Variants in DACH2 observed in about 807,000 individuals in gnomAD.
DACH2 encodes the protein dachshund family transcription factor 2.
DACH2 carries 17 observed loss-of-function variants against 35.8 expected under a neutral mutation model. The observed-to-expected ratio is 0.48, with a 90% CI of 0.33 to 0.71. The LOEUF is 0.71. Ranked by LOEUF, DACH2 falls within the 30% of genes least tolerant of loss-of-function variation. The pLI, the probability that DACH2 is intolerant of heterozygous loss-of-function variation, is 0.02. For synonymous variants in DACH2, 195 were observed against 177.3 expected (o/e 1.10, Z -0.79); for missense variants, 469 against 472.7 (o/e 0.99, Z 0.07).
In DACH2 at chrX:86,825,826, G is replaced by A. The variant is rs143084096; in HGVS notation, c.1751-6280G>A. Among the ~76,000 whole-genome samples the A allele has an allele frequency of 2.0e-3, 219 of 111,913 alleles. 6 individuals are homozygous for A. The highest frequency in any genetic ancestry group is 6.7e-3 in the African/African-American group (207 of 30,833). ...GAGGCACAATGAAGTGGCAGAAAGA[G>A]CACTGATCTACTAGTCAGAATTTCT... On this transcript the variant is annotated intron_variant, in intron 11 of 11. Transcript: ENST00000373125.
At chrX:86,489,054 C>G (rs921973485) in intron 2 of DACH2, among the ~76,000 whole-genome samples, 2 of 111,632 alleles carry the variant, frequency 1.8e-5, no homozygotes, top group African/African-American at 6.5e-5. Flanking sequence ...CTTTATTCAT[C>G]TATTCCCATA....
Position 86,814,680 on chromosome X carries a change from C to T in DACH2, c.1538-8C>T. ...TCAAGTCTTTGCAAACTACCTTTTA[C>T]ATTTCAGCTACTATGCAAAAGCGCC... On this transcript the variant is annotated splice_polypyrimidine_tract_variant and splice_region_variant and intron_variant, in intron 9 of 11. Transcript: ENST00000373125. The T allele has an allele frequency of 8.3e-7, 1 of 1,209,273 alleles. No homozygotes were observed. Among genetic ancestry groups the T allele is most frequent in the Non-Finnish European group, 1.1e-6 (1 of 894,126 alleles).
chrX:86,493,605 T>G (rs1370088570), intron 2 of DACH2, among the ~76,000 whole-genome samples: 1 of 111,435 alleles, frequency 9.0e-6, no homozygotes, highest in Non-Finnish European at 1.9e-5. Context: ...TGCATGCATA[T>G]GTGAGTATGT....
chrX:86,499,393 G>T (rs755704096), intron 2 of DACH2, among the ~76,000 whole-genome samples: 1 of 111,554 alleles, frequency 9.0e-6, no homozygotes, highest in Non-Finnish European at 1.9e-5. Context: ...AAACTGATCA[G>T]TATGGAGGCA....
At chrX:86,645,609 A>G (rs949293466) in intron 3 of DACH2, among the ~76,000 whole-genome samples, 4 of 111,190 alleles carry the variant, frequency 3.6e-5, no homozygotes, top group Admixed American at 9.6e-5. Flanking sequence ...GCAAATGTTC[A>G]CTGCAGCACT....
In DACH2 at chrX:86,647,819, T is replaced by G. The variant is rs761959723; in HGVS notation, c.641-3217T>G. On this transcript the variant is annotated intron_variant, in intron 3 of 11. Transcript: ENST00000373125. ...TCATCAAGTTCATGCAGTATATATTTACAGCTTTTTGTATCTGAATCATAC... is the reference window on the plus strand; with the variant it reads ...TCATCAAGTTCATGCAGTATATATTGACAGCTTTTTGTATCTGAATCATAC... 9.5e-4 allele frequency among the ~76,000 whole-genome samples: 105 copies of G among 110,997 alleles called. 1 individual carries two copies. In the Admixed American group the frequency reaches 9.7e-3, roughly 10 times the overall value.
At chrX:86,473,067 A>T (rs763842865) in intron 2 of DACH2, among the ~76,000 whole-genome samples, 2 of 111,899 alleles carry the variant, frequency 1.8e-5, no homozygotes, top group South Asian at 7.3e-4. Context: ...TATGGGTTAC[A>T]TGAGATATTT....
chrX:86,165,233 A>G (rs929002425), intron 1 of DACH2, among the ~76,000 whole-genome samples: 5 of 111,375 alleles, frequency 4.5e-5, no homozygotes, highest in African/African-American at 1.3e-4. Context: ...TCATCCATTG[A>G]TGGAACTTAC....
intron 1 of DACH2, among the ~76,000 whole-genome samples, chrX:86,310,048 A>T (rs1422902517): frequency 1.8e-5 from 2 of 112,392 alleles, no homozygotes; most frequent in African/African-American, 6.5e-5. Flanking sequence ...AAGGCCTCTA[A>T]GATTTTGGAG....
intron 11 of DACH2, chrX:86,827,690 A>ACTTC (rs2042575071): frequency 2.2e-6 from 2 of 893,297 alleles, no homozygotes; most frequent in Admixed American, 5.2e-5. Flanking sequence ...GTTTTCAGTG[A>ACTTC]AGTGCATTGA....
At chrX:86,208,256 T>G (rs1365896207) in intron 1 of DACH2, among the ~76,000 whole-genome samples, 1 of 110,973 alleles carries the variant, frequency 9.0e-6, no homozygotes, top group Non-Finnish European at 1.9e-5. Context: ...TAGAGGACTT[T>G]GAAATCTTAC....
chrX:86,531,527 C>A (rs768511378), intron 3 of DACH2, among the ~76,000 whole-genome samples: 1 of 112,117 alleles, frequency 8.9e-6, no homozygotes, highest in East Asian at 2.8e-4. Context: ...AGTGCAAGCC[C>A]CAAGCATTGG....
At chrX:86,386,580 G>C (rs970711260) in intron 2 of DACH2, among the ~76,000 whole-genome samples, 1 of 110,939 alleles carries the variant, frequency 9.0e-6, no homozygotes, top group Non-Finnish European at 1.9e-5. Flanking sequence ...ATTTATATCA[G>C]CATAGACTTC....
At chrX:86,597,703 A>G (rs759256135) in intron 3 of DACH2, among the ~76,000 whole-genome samples, 1 of 111,276 alleles carries the variant, frequency 9.0e-6, no homozygotes, top group Non-Finnish European at 1.9e-5. Flanking sequence ...TTCAAACTTT[A>G]TATTTCCTTA....
chrX:86,232,706 G>A (rs769702651), intron 1 of DACH2, among the ~76,000 whole-genome samples: 36 of 112,220 alleles, frequency 3.2e-4, no homozygotes, highest in Non-Finnish European at 6.2e-4. Flanking sequence ...TACTGGCAAG[G>A]TTGAGGAGAA....
intron 1 of DACH2, among the ~76,000 whole-genome samples, chrX:86,203,991 C>CT (rs2032220215): frequency 9.0e-6 from 1 of 111,450 alleles, no homozygotes; most frequent in Non-Finnish European, 1.9e-5. Context: ...TGGAGCAGTG[C>CT]TTGTGGTGGT....
At chrX:86,680,715 G>A (rs1169393936) in intron 4 of DACH2, among the ~76,000 whole-genome samples, 2 of 101,831 alleles carry the variant, frequency 2.0e-5, no homozygotes, top group Non-Finnish European at 4.0e-5. Flanking sequence ...GTGCAGTGGT[G>A]AGATCATAGC....
At chrX:86,630,517 G>C (rs996700922) in intron 3 of DACH2, among the ~76,000 whole-genome samples, 1 of 110,225 alleles carries the variant, frequency 9.1e-6, no homozygotes, top group African/African-American at 3.3e-5. Context: ...GGCCTGGGAA[G>C]TTTCTCACCC....
rs749428154 is a variant in DACH2 at position 86,529,674 on chromosome X, G to A, written c.640+15283G>A. ...TTTTTAGTAGAGACAGGGTTTCACC[G>A]TGTTAGCCAGGATGGTCTCAATCTC... On this transcript the variant is annotated intron_variant, in intron 3 of 11. Coordinates refer to ENST00000373125, the MANE Select transcript of DACH2 (RefSeq NM_053281.3). Among the ~76,000 whole-genome samples, 64 of 107,758 alleles carry A rather than the reference G, an allele frequency of 5.9e-4. No individual in the cohort carries two copies. In the East Asian group the frequency reaches 0.011, roughly 19 times the overall value. The allele number at this position is 107,758 out of a possible 115,157, so 93.6% of individuals were successfully genotyped here.
Sources: gnomAD v4.1 joint callset for allele counts (sites outside exome capture counted in the v4.1 genomes callset) on GRCh38, gnomAD v4.1.1 for gene constraint, MANE v1.5 for transcripts, NCBI Gene and HGNC (gene_info 2026-07-23, HGNC 2026-07-21) for gene names.